The following LTBP1 variants were observed in gnomAD, a reference collection of about 807,000 sequenced individuals.
The protein encoded by LTBP1 is latent transforming growth factor beta binding protein 1, also known as latent-transforming growth factor beta-binding protein 1.
LTBP1 carries 129 observed loss-of-function variants against 207.6 expected under a neutral mutation model. The observed-to-expected ratio is 0.62, with a 90% CI of 0.54 to 0.72. LTBP1 has a LOEUF of 0.72. Ranked by LOEUF, LTBP1 falls within the 30% of genes least tolerant of loss-of-function variation. The pLI is 0.00. For synonymous variants in LTBP1, 963 were observed against 833.7 expected, an observed-to-expected ratio of 1.16 and a Z score of -2.67; for missense variants, 2,281 against 2,217.2, an observed-to-expected ratio of 1.03 and a Z score of -0.58.
intron 2 of LTBP1, among the ~76,000 whole-genome samples, chr2:33,004,270 G>A (rs1159721775): frequency 2.0e-5 from 3 of 151,918 alleles, no homozygotes. Context: ...TTAATCCTAG[G>A]GTAAGGTCCT....
chr2:33,385,044 C>T (rs2095254153), intron 31 of LTBP1, among the ~76,000 whole-genome samples: 2 of 152,292 alleles, frequency 1.3e-5, no homozygotes, highest in East Asian at 3.9e-4. Flanking sequence ...CTGATTTAGG[C>T]CTATATTAAA....
intron 12 of LTBP1, 131 bp from the exon 13 acceptor site, chr2:33,259,457 T>G: frequency 1.7e-6 from 1 of 573,554 alleles, no homozygotes; most frequent in Non-Finnish European, 2.9e-6. Context: ...ATCCTAATTC[T>G]GCATTTGCTT....
At chr2:33,039,982 G>A (rs1380315111) in intron 3 of LTBP1, among the ~76,000 whole-genome samples, 2 of 152,114 alleles carry the variant, frequency 1.3e-5, no homozygotes, top group African/African-American at 4.8e-5. Context: ...GAGTGCAGGG[G>A]AGGAATCAAG....
chr2:33,376,761 C>T (rs951506260), intron 31 of LTBP1, among the ~76,000 whole-genome samples: 3 of 152,074 alleles, frequency 2.0e-5, no homozygotes, highest in Non-Finnish European at 1.5e-5. Context: ...ACTGAGATTC[C>T]CTAGTAGATC....
intron 18 of LTBP1, among the ~76,000 whole-genome samples, chr2:33,277,924 G>A (rs1164930105): frequency 2.7e-5 from 4 of 149,622 alleles, no homozygotes; most frequent in Non-Finnish European, 4.4e-5. Context: ...CCGCCTCCCG[G>A]GTTCACATCA....
intron 26 of LTBP1, 36 bp from the exon 27 acceptor site, chr2:33,360,561 G>C (rs1412275325): frequency 7.1e-7 from 1 of 1,417,296 alleles, no homozygotes; most frequent in African/African-American, 1.4e-5. Context: ...GTTCTGATGT[G>C]TCCTATTGTC....
intron 9 of LTBP1, among the ~76,000 whole-genome samples, chr2:33,240,251 C>G (rs1034963987): frequency 2.6e-5 from 4 of 151,874 alleles, no homozygotes; most frequent in Non-Finnish European, 4.4e-5. Context: ...TAGAATTCTG[C>G]TTTACCATTC....
At chr2:33,368,145 T>G (rs2095018955) in intron 31 of LTBP1, among the ~76,000 whole-genome samples, 1 of 151,740 alleles carries the variant, frequency 6.6e-6, no homozygotes, top group Non-Finnish European at 1.5e-5. Flanking sequence ...AGGTGGAGGT[T>G]GCAGTGAGCC....
At chr2:33,224,373 C>T (rs180970099) in intron 9 of LTBP1, among the ~76,000 whole-genome samples, 1 of 152,268 alleles carries the variant, frequency 6.6e-6, no homozygotes, top group Non-Finnish European at 1.5e-5. Context: ...TCAGATGCTC[C>T]TAATTTCTCT....
Position 33,280,167 on chromosome 2 carries a change from T to G in LTBP1, c.3112+9T>G. ...GAATGGACAGTGCCTTGGTAGGTAC[T>G]ATAGTGTACTTATCAAAGATTTGTT... is the stretch of plus-strand genomic sequence containing the variant. On this transcript the variant is annotated intron_variant, in intron 19 of 33. Transcript: ENST00000404816. The G allele has an allele frequency of 6.2e-7, 1 of 1,604,626 alleles. No homozygotes were observed. Among genetic ancestry groups the G allele is most frequent in the East Asian group, 2.2e-5 (1 of 44,578 alleles).
rs114207646 is a variant in LTBP1, at chr2:33,250,735, C to T, written c.2000-1942C>T. Among the ~76,000 whole-genome samples the T allele has an allele frequency of 5.6e-3, 858 of 152,258 alleles. 11 individuals carry two copies. Among genetic ancestry groups the T allele is most frequent in the African/African-American group, 0.02 (822 of 41,556 alleles). ...GCTCATGCATGCTGGGTCCCACACA[C>T]ACCTTCTGAGTCTTAAGCAGGTACC... On this transcript the variant is annotated intron_variant, in intron 10 of 33. Transcript: ENST00000404816.
At chr2:33,118,004 A>G (rs1280029077) in intron 4 of LTBP1, among the ~76,000 whole-genome samples, 1 of 152,078 alleles carries the variant, frequency 6.6e-6, no homozygotes, top group East Asian at 1.9e-4. Context: ...CAGCAGGAGA[A>G]ATCCAGGGTT....
intron 3 of LTBP1, 103 bp from the exon 4 acceptor site, chr2:33,110,479 T>C: frequency 2.9e-6 from 3 of 1,042,814 alleles, no homozygotes; most frequent in Non-Finnish European, 4.2e-6. Context: ...TGCTTGGAAT[T>C]GATGCTCCTT....
chr2:33,228,761 G>A (rs1028842318), intron 9 of LTBP1, among the ~76,000 whole-genome samples: 2 of 135,658 alleles, frequency 1.5e-5, no homozygotes, highest in Non-Finnish European at 3.1e-5. Flanking sequence ...GTGCAGTGGT[G>A]CAATCTCGGC....
intron 3 of LTBP1, among the ~76,000 whole-genome samples, chr2:33,093,688 G>A (rs1466783029): frequency 6.6e-6 from 1 of 151,844 alleles, no homozygotes; most frequent in Admixed American, 6.6e-5. Context: ...TTGTTCTTTG[G>A]TTTAAAAATA....
chr2:33,246,135 A>G (rs1446419966), intron 10 of LTBP1, among the ~76,000 whole-genome samples: 1 of 152,250 alleles, frequency 6.6e-6, no homozygotes, highest in Non-Finnish European at 1.5e-5. Context: ...ATAAGTATTA[A>G]GAGACGTTTG....
intron 13 of LTBP1, among the ~76,000 whole-genome samples, chr2:33,260,672 C>G (rs1480602787): frequency 6.6e-6 from 1 of 152,154 alleles, no homozygotes; most frequent in Non-Finnish European, 1.5e-5. Context: ...AAATGTATAA[C>G]AGATATGCAT....
chr2:33,115,942 A>G (rs956719596), intron 4 of LTBP1, among the ~76,000 whole-genome samples: 3 of 152,250 alleles, frequency 2.0e-5, no homozygotes, highest in Non-Finnish European at 4.4e-5. Context: ...TAAAAATGAT[A>G]TGGAATGCTT....
At chr2:33,238,331 C>T (rs2092148655) in intron 9 of LTBP1, among the ~76,000 whole-genome samples, 1 of 152,182 alleles carries the variant, frequency 6.6e-6, no homozygotes, top group African/African-American at 2.4e-5. Context: ...ACTAAGAAGA[C>T]AGTAAATTCT....
Sources: allele counts gnomAD v4.1 joint callset (sites outside exome capture counted in the v4.1 genomes callset), GRCh38; gene constraint gnomAD v4.1.1; transcripts MANE v1.5; gene names NCBI Gene and HGNC (gene_info 2026-07-23, HGNC 2026-07-21).